Variants in MMP28 observed in about 807,000 individuals in gnomAD.
The protein encoded by MMP28 is matrix metalloproteinase-28.
In MMP28, 55 loss-of-function variants were observed where a neutral mutation model predicts 60.5. The ratio of observed to expected loss-of-function variants is 0.91; its 90% confidence interval spans 0.73 to 1.14. The LOEUF (loss-of-function observed/expected upper bound fraction) is 1.14, where lower values mean the gene tolerates loss of function less well. MMP28 is among the 50% of genes most tolerant of loss of function. The pLI, the probability that MMP28 is intolerant of heterozygous loss-of-function variation, is 0.00. For missense variants in MMP28, 686 were observed against 738.3 expected (o/e 0.93, Z 0.82); for synonymous variants, 318 against 312.5 (o/e 1.02, Z -0.18).
chr17:35,764,864 G>A (rs2085904540), downstream of MMP28: 2 of 364,122 alleles, frequency 5.5e-6, no homozygotes, highest in South Asian at 1.0e-4. Context: ...AGCGCCCACC[G>A]AGGGCTCCCC....
intron 3 of MMP28, among the ~76,000 whole-genome samples, chr17:35,776,846 G>A (rs1271444837): frequency 2.0e-5 from 3 of 151,970 alleles, no homozygotes; most frequent in Non-Finnish European, 2.9e-5. Flanking sequence ...CTGAGATTGC[G>A]CCATTGCACT....
intron 1 of MMP28, among the ~76,000 whole-genome samples, chr17:35,789,511 C>G (rs1353663549): frequency 1.3e-5 from 2 of 151,864 alleles, no homozygotes; most frequent in Non-Finnish European, 2.9e-5. Context: ...TTTCTTCTTT[C>G]TTACTATAGG....
rs755817489 is a variant in MMP28, at chr17:35,770,179, A to G, written c.738T>C (p.Leu246=). 22 of 1,606,318 alleles carry G rather than the reference A, an allele frequency of 1.4e-5. No homozygotes were observed. Among genetic ancestry groups the G allele is most frequent in the Non-Finnish European group, 1.8e-5 (21 of 1,178,426 alleles). The change falls in exon 5 of 8, where the codon CTT becomes CTC. Residue 246 remains leucine, a synonymous_variant. Transcript: ENST00000605424. ...GCGGCGCGGGCGAGTGGGTGAGGCC[A>G]AGCGTGTGACCGATCTCGTGCGCCA... The part of the protein sequence containing the change: ...VVLAHEIGHT[L]GLTHSPAPRA...
intron 1 of MMP28, among the ~76,000 whole-genome samples, chr17:35,793,167 C>T (rs1041760626): frequency 4.6e-5 from 7 of 152,170 alleles, no homozygotes; most frequent in Admixed American, 3.3e-4. Flanking sequence ...TTTTCTTGTT[C>T]TCAGAGTTAA....
intron 5 of MMP28, 72 bp downstream of exon 5, chr17:35,769,995 G>T: frequency 1.4e-6 from 2 of 1,463,492 alleles, no homozygotes; most frequent in Non-Finnish European, 1.8e-6. Context: ...TATTTGCAGA[G>T]CCGGCGTTCA....
chr17:35,790,712 G>A (rs1252500910), intron 1 of MMP28, among the ~76,000 whole-genome samples: 2 of 152,074 alleles, frequency 1.3e-5, no homozygotes, highest in Non-Finnish European at 2.9e-5. Context: ...TAGAGGCTGA[G>A]TATGGTGGTT....
rs1197450639 is a variant in MMP28 at position 35,773,382 on chromosome 17, G to A, written c.402C>T (p.His134=). 1 of 1,603,752 alleles carries A rather than the reference G, an allele frequency of 6.2e-7. No individual in the cohort carries two copies. Among genetic ancestry groups the A allele is most frequent in the Non-Finnish European group, 8.5e-7 (1 of 1,175,210 alleles). Residue 134 remains histidine, a synonymous_variant, in exon 4 of 8, where the codon CAC becomes CAT. Coordinates refer to ENST00000605424, the MANE Select transcript of MMP28 (RefSeq NM_024302.5). The part of the protein sequence containing the change: ...AKQGNKWYKQ[H]LSYRLVNWPE... Reference sequence around the variant, plus strand: ...GCCAGTTCACCAGGCGGTAGGAGAGGTGCTGCTTGTACCATTTGTTACCTG... The same window carrying A: ...GCCAGTTCACCAGGCGGTAGGAGAGATGCTGCTTGTACCATTTGTTACCTG...
intron 1 of MMP28, among the ~76,000 whole-genome samples, chr17:35,790,562 T>G (rs549896669): frequency 6.6e-6 from 1 of 152,232 alleles, no homozygotes; most frequent in Non-Finnish European, 1.5e-5. Context: ...CTGATTTTTT[T>G]TGTCTATTTT....
intron 1 of MMP28, among the ~76,000 whole-genome samples, chr17:35,788,115 A>G (rs1027592298): frequency 2.0e-5 from 3 of 151,470 alleles, no homozygotes; most frequent in African/African-American, 7.3e-5. Context: ...TATGTTGCCC[A>G]GACTGGTCTC....
In MMP28 at chr17:35,773,264, G is replaced by T; in HGVS notation, c.520C>A (p.Pro174Thr). ...NVSALEFWEA[P>T]ATGPADIRLT... ...CGGATGTCAGCGGGGCCTGTGGCTG[G>T]GGCCTCCCAGAACTCCAGCGCTGAG... is the stretch of plus-strand genomic sequence containing the variant. Residue 174 changes from proline (P) to threonine (T), a missense_variant, in exon 4 of 8, where the codon CCA becomes ACA. Physicochemically the swap from Pro to Thr is conservative, Grantham distance 38 (BLOSUM62 -1). Coordinates refer to ENST00000605424, the MANE Select transcript of MMP28 (RefSeq NM_024302.5). 6.2e-7 allele frequency: 1 copy of T among 1,614,014 alleles called. No individual in the cohort carries two copies. Among genetic ancestry groups the T allele is most frequent in the Non-Finnish European group, 8.5e-7 (1 of 1,179,892 alleles).
chr17:35,771,752 TATAA>T (rs1448819309), intron 4 of MMP28, among the ~76,000 whole-genome samples: 34 of 99,810 alleles, frequency 3.4e-4, no homozygotes, highest in Admixed American at 1.0e-3. Context: ...TATATATATA[TATAA>T]AATTGTGTTC....
chr17:35,764,600 G>C (rs781842033), downstream of MMP28: 21 of 1,586,662 alleles, frequency 1.3e-5, no homozygotes, highest in Non-Finnish European at 1.6e-5. Context: ...GTAAGGCGGG[G>C]GCCGCTGGGA....
chr17:35,759,658 G>A (rs375636203), intron 2 of MMP28, among the ~76,000 whole-genome samples: 15 of 152,152 alleles, frequency 9.9e-5, no homozygotes, highest in African/African-American at 3.4e-4. Flanking sequence ...CCGAGATTGC[G>A]CCACTGCACT....
chr17:35,785,786 T>C (rs2086631088), intron 1 of MMP28, among the ~76,000 whole-genome samples: 1 of 152,114 alleles, frequency 6.6e-6, no homozygotes, highest in African/African-American at 2.4e-5. Flanking sequence ...ATATTCCAGC[T>C]CTATCCGTTA....
intron 1 of MMP28, among the ~76,000 whole-genome samples, chr17:35,783,607 C>T (rs1228926036): frequency 2.0e-5 from 3 of 152,174 alleles, no homozygotes; most frequent in Non-Finnish European, 4.4e-5. Flanking sequence ...TCCCTTGTGC[C>T]TCTCTCCACA....
intron 2 of MMP28, among the ~76,000 whole-genome samples, chr17:35,759,862 C>T (rs2085786279): frequency 6.6e-6 from 1 of 152,194 alleles, no homozygotes; most frequent in African/African-American, 2.4e-5. Context: ...AGTTGCTGTG[C>T]CACGAGTAAT....
At chr17:35,774,937 G>A (rs763533979) in intron 3 of MMP28, among the ~76,000 whole-genome samples, 7 of 152,122 alleles carry the variant, frequency 4.6e-5, no homozygotes, top group Non-Finnish European at 7.3e-5. Context: ...TGTGGGGGAC[G>A]GTCTCCCAGG....
Position 35,768,357 on chromosome 17 carries a change from C to T in MMP28, c.873G>A (p.Val291=), listed in dbSNP as rs371731289. The part of the protein sequence containing the change: ...SLYGKPLGGS[V]AVQLPGKLFT... ...ACAGCTTTCCTGGGAGCTGGACGGCCACTGAGCCCCCTAGGGGCTTCCCTT... is the reference window on the plus strand; with the variant it reads ...ACAGCTTTCCTGGGAGCTGGACGGCTACTGAGCCCCCTAGGGGCTTCCCTT... Residue 291 remains valine (V), a synonymous_variant, in exon 6 of 8, where the codon GTG becomes GTA. Coordinates refer to ENST00000605424, the MANE Select transcript of MMP28 (RefSeq NM_024302.5). 7 of 1,610,896 alleles carry T rather than the reference C, an allele frequency of 4.3e-6. No homozygotes were observed. The African/African-American group carries it at 9.4e-5, about 22-fold the overall frequency.
In MMP28 at chr17:35,766,610, A is replaced by C; in HGVS notation, c.1453T>G (p.Tyr485Asp). The change falls in exon 8 of 8, where the codon TAC becomes GAC. Residue 485 changes from tyrosine (Y) to aspartate (D), a missense_variant. By Grantham distance (160) the Tyr-to-Asp change is radical (BLOSUM62 -3). Transcript: ENST00000605424. The surrounding 1 kb of genome is among the most constrained non-coding windows in gnomAD (Gnocchi z 4.3). ...AGTTTGGCCTGGTCGAGGCGCCAGT[A>C]GCGGTCATCTCGGAAGAAGATGATG... The part of the protein sequence containing the change: ...GSIIFFRDDR[Y>D]WRLDQAKLQA... The C allele has an allele frequency of 1.9e-6, 3 of 1,612,718 alleles. No homozygotes were observed. The highest frequency in any genetic ancestry group is 2.2e-5 in the East Asian group (1 of 44,862).
Sources: allele counts gnomAD v4.1 joint callset (sites outside exome capture counted in the v4.1 genomes callset), GRCh38; gene constraint gnomAD v4.1.1; non-coding constraint Gnocchi (gnomAD v3.1); transcripts MANE v1.5; gene names NCBI Gene and HGNC (gene_info 2026-07-23, HGNC 2026-07-21).